The following MAF variants were observed in gnomAD, a reference collection of about 807,000 sequenced individuals.
The protein encoded by MAF is transcription factor Maf.
Under a neutral mutation model 22.0 loss-of-function variants are expected in MAF, and 10 were observed. The ratio of observed to expected loss-of-function variants is 0.45; its 90% CI spans 0.28 to 0.77. MAF has a LOEUF of 0.77. Among genes scored for constraint, MAF ranks in the 30% least tolerant of loss-of-function variants. The pLI, the probability that MAF is intolerant of heterozygous loss-of-function variation, is 0.12. For missense variants in MAF, 544 were observed against 548.4 expected (o/e 0.99, Z 0.08); for synonymous variants, 337 against 255.8 (o/e 1.32, Z -3.03).
the MAF span, among the ~76,000 whole-genome samples, chr16:79,290,953 T>G: frequency 6.6e-6 from 1 of 152,012 alleles, no homozygotes; most frequent in Non-Finnish European, 1.5e-5. Flanking sequence ...ACATGCTTCC[T>G]CCGAGATGTG....
At chr16:79,231,511 G>A in the MAF span, among the ~76,000 whole-genome samples, 1 of 152,032 alleles carries the variant, frequency 6.6e-6, no homozygotes, top group African/African-American at 2.4e-5. Flanking sequence ...TGGCTCATTG[G>A]ATTCAAATGT....
the MAF span, chr16:79,212,059 C>A: frequency 6.5e-7 from 1 of 1,535,858 alleles, no homozygotes; most frequent in African/African-American, 1.4e-5. Flanking sequence ...TAAAAACCTG[C>A]TTGGTGTGTA....
chr16:79,287,539 G>A, the MAF span, among the ~76,000 whole-genome samples: 5 of 152,292 alleles, frequency 3.3e-5, no homozygotes, highest in Admixed American at 1.3e-4. Flanking sequence ...GTCCTGCCAT[G>A]ACCCACGTGT....
chr16:79,273,559 A>C, the MAF span, among the ~76,000 whole-genome samples: 2 of 151,780 alleles, frequency 1.3e-5, no homozygotes, highest in East Asian at 3.9e-4. Context: ...TGTGGGGGAG[A>C]ATCTGTTTTC....
At chr16:79,548,608 TG>T in the MAF span, among the ~76,000 whole-genome samples, 16 of 152,342 alleles carry the variant, frequency 1.1e-4, no homozygotes, top group African/African-American at 3.6e-4. Context: ...TGAAGAGTCT[TG>T]TGTTTTTCTG....
chr16:79,361,946 C>T, the MAF span, among the ~76,000 whole-genome samples: 1 of 152,192 alleles, frequency 6.6e-6, no homozygotes, highest in Admixed American at 6.5e-5. Context: ...ATAATAATTG[C>T]TATTTTGTTA....
chr16:79,209,407 C>T, the MAF span, among the ~76,000 whole-genome samples: 1 of 152,174 alleles, frequency 6.6e-6, no homozygotes, highest in East Asian at 1.9e-4. Context: ...CTGCTTTTTG[C>T]TTTCCCAAAC....
the MAF span, among the ~76,000 whole-genome samples, chr16:79,325,003 C>G: frequency 6.6e-6 from 1 of 152,116 alleles, no homozygotes; most frequent in African/African-American, 2.4e-5. Flanking sequence ...TCCATCTTCA[C>G]CTGGCATTCT....
At chr16:79,240,372 C>T in the MAF span, among the ~76,000 whole-genome samples, 1 of 151,142 alleles carries the variant, frequency 6.6e-6, no homozygotes, top group Non-Finnish European at 1.5e-5. Flanking sequence ...ATCCCACTCC[C>T]AAGCCCTACA....
chr16:79,596,608 C>G, intron 1 of MAF: 3 of 1,042,990 alleles, frequency 2.9e-6, no homozygotes, highest in Non-Finnish European at 3.5e-6. Flanking sequence ...AACAATTTTG[C>G]ACAGCAAAAT....
At chr16:79,209,652 T>A in the MAF span, among the ~76,000 whole-genome samples, 7 of 152,150 alleles carry the variant, frequency 4.6e-5, no homozygotes, top group Admixed American at 2.0e-4. Flanking sequence ...TGGAAGTTGA[T>A]ACAAAACACC....
the MAF span, among the ~76,000 whole-genome samples, chr16:79,549,623 G>A: frequency 6.6e-6 from 1 of 152,108 alleles, no homozygotes; most frequent in South Asian, 2.1e-4. Context: ...CCTCCCTTTC[G>A]GATAGACACT....
At chr16:79,463,423 A>G in the MAF span, among the ~76,000 whole-genome samples, 1 of 152,236 alleles carries the variant, frequency 6.6e-6, no homozygotes, top group Non-Finnish European at 1.5e-5. Context: ...TTAAGATAGC[A>G]TAAACACACA....
the MAF span, among the ~76,000 whole-genome samples, chr16:79,456,959 C>CAT: frequency 6.6e-6 from 1 of 151,926 alleles, no homozygotes; most frequent in African/African-American, 2.4e-5. Flanking sequence ...CACACACACA[C>CAT]CCTTGGAGCC....
At chr16:79,257,404 A>G in the MAF span, among the ~76,000 whole-genome samples, 1 of 152,194 alleles carries the variant, frequency 6.6e-6, no homozygotes, top group African/African-American at 2.4e-5. Context: ...TAAAAATGCA[A>G]GTCCCCTACT....
At chr16:79,544,039 C>T in the MAF span, among the ~76,000 whole-genome samples, 1 of 152,120 alleles carries the variant, frequency 6.6e-6, no homozygotes, top group African/African-American at 2.4e-5. Flanking sequence ...GAGACACCCC[C>T]ATCTTTGAAT....
rs1478822766 is a variant in MAF, at chr16:79,599,170, C to A, written c.733G>T (p.Ala245Ser). ...CCGGCGGCGTGGTGCGGGTGCAGGG[C>A]GCCCCCCGCCCCCGCCGCGCCCCCG... is the stretch of plus-strand genomic sequence containing the variant. Reference protein sequence around the residue: ...GGGGAAGAGGALHPHHAAGGL... With the variant: ...GGGGAAGAGGSLHPHHAAGGL... Residue 245 changes from alanine (A) to serine (S), a missense_variant, in exon 1 of 2, where the codon GCC (alanine) becomes TCC (serine). This residue lies in a region of MAF where 342 missense variants were observed against 315.5 expected (regional missense o/e 1.08). Coordinates refer to ENST00000326043, the MANE Select transcript of MAF (RefSeq NM_005360.5). The A allele has an allele frequency of 1.6e-6, 2 of 1,224,472 alleles. No homozygotes were observed. Among genetic ancestry groups the A allele is most frequent in the South Asian group, 3.3e-5 (1 of 30,764 alleles). The allele number at this position is 1,224,472 out of a possible 1,614,324, so 75.9% of individuals were successfully genotyped here. A position where few individuals can be genotyped will look rare whatever the true frequency, so the allele number is the denominator to read the frequency against.
At chr16:79,453,928 T>G in the MAF span, among the ~76,000 whole-genome samples, 1 of 152,190 alleles carries the variant, frequency 6.6e-6, no homozygotes, top group Non-Finnish European at 1.5e-5. Flanking sequence ...AATACCTACC[T>G]TGCTATTAAA....
chr16:79,417,067 C>T, the MAF span, among the ~76,000 whole-genome samples: 42 of 152,178 alleles, frequency 2.8e-4, 1 homozygote, highest in Non-Finnish European at 4.6e-4. Context: ...AACTCACAGA[C>T]GGAAAGGGTA....
Sources: allele counts gnomAD v4.1 joint callset (sites outside exome capture counted in the v4.1 genomes callset), GRCh38; gene constraint gnomAD v4.1.1; regional missense constraint gnomAD v4.1.1; transcripts MANE v1.5; gene names NCBI Gene and HGNC (gene_info 2026-07-23, HGNC 2026-07-21).